TTC6: variants seen among roughly 807,000 people sequenced by gnomAD.
TTC6 encodes tetratricopeptide repeat protein 6.
A neutral mutation model predicts 210.4 loss-of-function variants in TTC6; 172 were observed. The observed-to-expected ratio is 0.82, with a 90% CI of 0.72 to 0.93. The LOEUF is 0.93. Among genes scored for constraint, TTC6 ranks in the 40% least tolerant of loss-of-function variants. TTC6 has a pLI of 0.00. For missense variants in TTC6, 2,414 were observed against 2,318.1 expected (o/e 1.04, Z -0.85); for synonymous variants, 804 against 819.6 (o/e 0.98, Z 0.32).
chr14:37,692,225 A>AAAAAAAAG (rs2095805098), intron 3 of TTC6, among the ~76,000 whole-genome samples: 1 of 132,240 alleles, frequency 7.6e-6, no homozygotes, highest in Non-Finnish European at 1.8e-5. Flanking sequence ...AAAAAAAAAA[A>AAAAAAAAG]AAAAAAAGAA....
chr14:37,630,908 T>TTTTTTTTTTG (rs2095668437), intron 1 of TTC6, among the ~76,000 whole-genome samples: 1 of 21,448 alleles, frequency 4.7e-5, no homozygotes, highest in Admixed American at 4.6e-4. Flanking sequence ...GCAACCCCTG[T>TTTTTTTTTTG]TTTTTTTTTT....
At chr14:37,800,447 A>T (rs546200386) in intron 20 of TTC6, among the ~76,000 whole-genome samples, 15 of 152,318 alleles carry the variant, frequency 9.8e-5, no homozygotes, top group African/African-American at 2.9e-4. Context: ...GGACTTGCTT[A>T]TGAGGAAAAT....
At chr14:37,745,485 A>T (rs981769238) in intron 10 of TTC6, among the ~76,000 whole-genome samples, 58 of 152,056 alleles carry the variant, frequency 3.8e-4, no homozygotes, top group Non-Finnish European at 1.5e-4. Context: ...AGTTTCCGAG[A>T]TTTCCACTTG....
intron 26 of TTC6, among the ~76,000 whole-genome samples, chr14:37,820,380 G>C (rs1362874281): frequency 6.6e-6 from 1 of 152,174 alleles, no homozygotes; most frequent in Non-Finnish European, 1.5e-5. Flanking sequence ...TTAAACATTA[G>C]TGCTGATAAC....
intron 7 of TTC6, among the ~76,000 whole-genome samples, chr14:37,729,273 G>T (rs72674291): frequency 0.13 from 19,769 of 152,230 alleles, 1,723 homozygotes; most frequent in Non-Finnish European, 0.2. Context: ...GAAAGAGAAA[G>T]TTAATGATAT....
intron 18 of TTC6, 69 bp from the exon 21 acceptor site, chr14:37,796,225 T>C (rs1369674785): frequency 1.5e-6 from 1 of 658,760 alleles, no homozygotes; most frequent in East Asian, 3.3e-5. Flanking sequence ...AAGTAACTGA[T>C]TAGAAGAAAC....
chr14:37,665,015 T>G (rs1412657501), intron 1 of TTC6, among the ~76,000 whole-genome samples: 1 of 150,612 alleles, frequency 6.6e-6, no homozygotes, highest in African/African-American at 2.4e-5. Context: ...CTGGAGAGGT[T>G]GTGGAGAAAA....
intron 10 of TTC6, among the ~76,000 whole-genome samples, chr14:37,744,173 T>G (rs1195912255): frequency 1.3e-5 from 2 of 152,184 alleles, no homozygotes; most frequent in African/African-American, 2.4e-5. Flanking sequence ...AATGAATGAG[T>G]TCAGCCATTC....
At chr14:37,782,020 G>C (rs1433534908) in intron 14 of TTC6, among the ~76,000 whole-genome samples, 1 of 152,100 alleles carries the variant, frequency 6.6e-6, no homozygotes, top group Non-Finnish European at 1.5e-5. Context: ...TGCTGTTTTG[G>C]TTACTGTAGC....
chr14:37,841,364 T>G, intron 29 of TTC6, 81 bp from the exon 32 acceptor site: 1 of 1,245,856 alleles, frequency 8.0e-7, no homozygotes, highest in Non-Finnish European at 1.1e-6. Context: ...GGCCTTAATT[T>G]AAAATTAAGA....
chr14:37,806,549 A>C (rs1458835872), intron 22 of TTC6, 39 bp downstream of exon 24: 2 of 1,455,720 alleles, frequency 1.4e-6, no homozygotes, highest in African/African-American at 2.8e-5. Flanking sequence ...GGAAAGTGTT[A>C]AGTTTGGTAA....
intron 20 of TTC6, among the ~76,000 whole-genome samples, chr14:37,801,737 G>A (rs1162428956): frequency 1.3e-5 from 2 of 152,070 alleles, no homozygotes; most frequent in Non-Finnish European, 2.9e-5. Flanking sequence ...CAGTCAGAAT[G>A]GTGATTATTA....
At chr14:37,770,190 T>G (rs2096013415) in intron 14 of TTC6, among the ~76,000 whole-genome samples, 1 of 152,142 alleles carries the variant, frequency 6.6e-6, no homozygotes, top group African/African-American at 2.4e-5. Flanking sequence ...ATTTCTGTTC[T>G]TTTACATTTG....
At chr14:37,692,581 C>T (rs12879149) in intron 3 of TTC6, among the ~76,000 whole-genome samples, 8,697 of 151,962 alleles carry the variant, frequency 0.057, 382 homozygotes, top group Non-Finnish European at 0.089. Flanking sequence ...CGGTTTTTAC[C>T]GGTGTGGTGG....
At chr14:37,635,689 C>A (rs1027146312) in intron 1 of TTC6, among the ~76,000 whole-genome samples, 1 of 152,004 alleles carries the variant, frequency 6.6e-6, no homozygotes, top group Middle Eastern at 3.2e-3. Context: ...AAGAAAATTA[C>A]CAGAGATGGC....
chr14:37,828,299 C>G (rs774176652), intron 29 of TTC6, among the ~76,000 whole-genome samples: 18 of 151,976 alleles, frequency 1.2e-4, no homozygotes, highest in Non-Finnish European at 2.4e-4. Context: ...TATAGTCACT[C>G]TTTTTTCTGC....
At chr14:37,601,189 T>C (rs1273814349) in intron 1 of TTC6, among the ~76,000 whole-genome samples, 1 of 152,208 alleles carries the variant, frequency 6.6e-6, no homozygotes, top group Admixed American at 6.5e-5. Context: ...TTGCAGCCTT[T>C]CACAAACAAC....
Position 37,682,889 on chromosome 14 carries a change from A to G in TTC6, c.1182A>G (p.Ala394=), listed in dbSNP as rs1048038983. 5 of 1,535,614 alleles carry G rather than the reference A, an allele frequency of 3.3e-6. No homozygotes were observed. The African/African-American group carries it at 5.5e-5, about 17-fold the overall frequency. Residue 394 remains alanine, a synonymous_variant, in exon 3 of 31, where the codon GCA becomes GCG. Coordinates refer to ENST00000553443, the Ensembl canonical transcript of TTC6. ...AGGAAATTTCGCAAGTTCAGCCAGC[A>G]GAGGAATTAAGTAAACCTTTGGAAG...
chr14:37,658,799 G>A (rs868018367), intron 1 of TTC6, among the ~76,000 whole-genome samples: 1 of 152,144 alleles, frequency 6.6e-6, no homozygotes, highest in Non-Finnish European at 1.5e-5. Flanking sequence ...AGGTTCAGGG[G>A]TGCGTATGCA....
Sources: allele counts gnomAD v4.1 joint callset (sites outside exome capture counted in the v4.1 genomes callset), GRCh38; gene constraint gnomAD v4.1.1; transcripts MANE v1.5; gene names NCBI Gene and HGNC (gene_info 2026-07-23, HGNC 2026-07-21).